The following MEI4 variants were observed in gnomAD, a reference collection of about 807,000 sequenced individuals.
The protein encoded by MEI4 is meiosis-specific protein MEI4.
A neutral mutation model predicts 31.4 loss-of-function variants in MEI4; 27 were observed. The observed-to-expected ratio is 0.86, with a 90% CI of 0.63 to 1.19. The LOEUF (loss-of-function observed/expected upper bound fraction) is 1.19. MEI4 is among the 50% of genes most tolerant of loss of function. The pLI, the probability that MEI4 is intolerant of heterozygous loss-of-function variation, is 0.00. For missense variants in MEI4, 329 were observed against 398.9 expected (o/e 0.82, Z 1.49); for synonymous variants, 122 against 145.4 (o/e 0.84, Z 1.16).
At chr6:77,735,277 G>C (rs1210934023) in intron 2 of MEI4, among the ~76,000 whole-genome samples, 2 of 151,876 alleles carry the variant, frequency 1.3e-5, no homozygotes, top group Non-Finnish European at 2.9e-5. Flanking sequence ...ACACCAATCA[G>C]ACGTAGATTT....
chr6:77,894,448 A>C (rs912712769), intron 4 of MEI4, among the ~76,000 whole-genome samples: 1 of 152,132 alleles, frequency 6.6e-6, no homozygotes, highest in African/African-American at 2.4e-5. Flanking sequence ...GAATACATAC[A>C]GCTTTTTTTC....
Position 77,721,964 on chromosome 6 carries a change from C to T in MEI4, c.232+31061C>T, listed in dbSNP as rs1290087754. The stretch of plus-strand genomic sequence containing the variant: ...GAAAACTTTAACTGGTTGAAGAGCT[C>T]GACCTACAAAAGTCTGACAAATAGT... On this transcript the variant is annotated intron_variant, in intron 2 of 4. Transcript: ENST00000684080. 7.6e-5 allele frequency among the ~76,000 whole-genome samples: 10 copies of T among 130,866 alleles called. 1 individual carries two copies. The East Asian group carries it at 1.0e-3, about 14-fold the overall frequency. 85.9% of individuals were successfully genotyped at this position (130,866 alleles called of 152,430 possible).
intron 4 of MEI4, among the ~76,000 whole-genome samples, chr6:77,831,918 A>C (rs935415334): frequency 2.6e-5 from 4 of 152,054 alleles, no homozygotes; most frequent in Admixed American, 2.0e-4. Flanking sequence ...GAAGTGAAGA[A>C]TTGTAATGTT....
At chr6:77,894,814 G>A (rs1002428260) in intron 4 of MEI4, among the ~76,000 whole-genome samples, 4 of 152,180 alleles carry the variant, frequency 2.6e-5, no homozygotes, top group African/African-American at 9.7e-5. Flanking sequence ...ATTTTAGCCT[G>A]TGGCTTTTGC....
At chr6:77,835,944 C>A (rs546834557) in intron 4 of MEI4, among the ~76,000 whole-genome samples, 2 of 151,854 alleles carry the variant, frequency 1.3e-5, no homozygotes, top group South Asian at 4.2e-4. Context: ...CATTTTTTTA[C>A]AAATTGTAAA....
At chr6:77,900,310 A>G (rs190353060) in intron 4 of MEI4, among the ~76,000 whole-genome samples, 47 of 152,038 alleles carry the variant, frequency 3.1e-4, no homozygotes, top group African/African-American at 1.1e-3. Flanking sequence ...TATTTCTACC[A>G]TATGTTCCAA....
chr6:77,732,145 T>C (rs1767019266), intron 2 of MEI4, among the ~76,000 whole-genome samples: 1 of 151,606 alleles, frequency 6.6e-6, no homozygotes, highest in South Asian at 2.1e-4. Context: ...TTGAAAGTAG[T>C]TTTTTCCAAT....
chr6:77,693,762 A>G (rs1192023457), intron 2 of MEI4, among the ~76,000 whole-genome samples: 3 of 152,150 alleles, frequency 2.0e-5, no homozygotes, highest in Admixed American at 2.0e-4. Flanking sequence ...CAGTTATGTA[A>G]GGATGACATG....
chr6:77,860,960 T>C (rs1037799874), intron 4 of MEI4, among the ~76,000 whole-genome samples: 4 of 152,226 alleles, frequency 2.6e-5, no homozygotes, highest in African/African-American at 9.6e-5. Context: ...TCTCATACCA[T>C]GTTCAGCCAC....
chr6:77,659,534 G>A (rs1032116315), intron 1 of MEI4, among the ~76,000 whole-genome samples: 4 of 152,146 alleles, frequency 2.6e-5, no homozygotes, highest in African/African-American at 9.7e-5. Context: ...TTTTCATGGT[G>A]TATGAGAAAA....
intron 3 of MEI4, among the ~76,000 whole-genome samples, chr6:77,825,872 T>A (rs1234586865): frequency 6.6e-6 from 1 of 152,210 alleles, no homozygotes; most frequent in Non-Finnish European, 1.5e-5. Context: ...ATAGTAGGGT[T>A]AAGTGCTGTG....
chr6:77,732,445 A>G (rs931974252), intron 2 of MEI4, among the ~76,000 whole-genome samples: 1 of 152,048 alleles, frequency 6.6e-6, no homozygotes, highest in African/African-American at 2.4e-5. Context: ...TTCTTGGTGT[A>G]TAAGAATGCT....
intron 4 of MEI4, among the ~76,000 whole-genome samples, chr6:77,879,500 A>G (rs1771427289): frequency 6.6e-6 from 1 of 152,182 alleles, no homozygotes; most frequent in Non-Finnish European, 1.5e-5. Flanking sequence ...CTGTGAGACT[A>G]TGCAAAATAC....
At chr6:77,862,333 A>G (rs1433834804) in intron 4 of MEI4, among the ~76,000 whole-genome samples, 1 of 152,184 alleles carries the variant, frequency 6.6e-6, no homozygotes, top group Non-Finnish European at 1.5e-5. Flanking sequence ...AGTCAAAGAA[A>G]TGAGTGACAG....
intron 4 of MEI4, among the ~76,000 whole-genome samples, chr6:77,887,302 C>CT (rs1771645921): frequency 7.5e-6 from 1 of 134,068 alleles, no homozygotes; most frequent in African/African-American, 2.8e-5. Context: ...CTTTTTTATT[C>CT]TTTTTTGAGA....
chr6:77,658,175 G>C (rs988350363), intron 1 of MEI4, among the ~76,000 whole-genome samples: 10 of 152,172 alleles, frequency 6.6e-5, no homozygotes, highest in African/African-American at 2.4e-4. Flanking sequence ...GATAGGCGGT[G>C]AAGTTAAGAG....
chr6:77,698,712 A>C (rs1280157694), intron 2 of MEI4, among the ~76,000 whole-genome samples: 1 of 151,960 alleles, frequency 6.6e-6, no homozygotes, highest in East Asian at 1.9e-4. Flanking sequence ...TTTTTCCTTC[A>C]TTTCAACTTT....
intron 2 of MEI4, among the ~76,000 whole-genome samples, chr6:77,697,729 A>C (rs1766088867): frequency 6.6e-6 from 1 of 151,996 alleles, no homozygotes; most frequent in Non-Finnish European, 1.5e-5. Flanking sequence ...GGTGCTGAAA[A>C]AAGTATATAT....
intron 4 of MEI4, among the ~76,000 whole-genome samples, chr6:77,873,461 T>G (rs1392220670): frequency 6.6e-6 from 1 of 152,204 alleles, no homozygotes; most frequent in African/African-American, 2.4e-5. Flanking sequence ...GTTTGTTTTT[T>G]TCTTGTAAAT....
Sources: allele counts gnomAD v4.1 joint callset (sites outside exome capture counted in the v4.1 genomes callset), GRCh38; gene constraint gnomAD v4.1.1; transcripts MANE v1.5; gene names NCBI Gene and HGNC (gene_info 2026-07-23, HGNC 2026-07-21).